CNTN4: variants seen among roughly 807,000 people sequenced by gnomAD.
CNTN4 encodes the protein contactin-4.
A neutral mutation model predicts 122.5 loss-of-function variants in CNTN4; 77 were observed. The observed-to-expected ratio is 0.63, with a 90% CI of 0.52 to 0.76. The LOEUF is 0.76. CNTN4 is among the 30% of genes least tolerant of loss of function. The pLI, the probability that CNTN4 is intolerant of heterozygous loss-of-function variation, is 0.00. For missense variants in CNTN4, 1,256 were observed against 1,259.1 expected (o/e 1.00, Z 0.04); for synonymous variants, 512 against 447.0 (o/e 1.15, Z -1.83).
chr3:2,458,090 T>C (rs2049067348), intron 3 of CNTN4, among the ~76,000 whole-genome samples: 1 of 152,130 alleles, frequency 6.6e-6, no homozygotes, highest in Non-Finnish European at 1.5e-5. Flanking sequence ...CTCTACAGCA[T>C]TGCAAACTAT....
intron 2 of CNTN4, among the ~76,000 whole-genome samples, chr3:2,318,204 C>T (rs140519278): frequency 3.1e-5 from 4 of 129,870 alleles, no homozygotes; most frequent in East Asian, 2.2e-4. Flanking sequence ...GGCAGGGTAA[C>T]GAGAACTTGT....
chr3:2,587,667 A>G (rs1354036423), intron 4 of CNTN4, among the ~76,000 whole-genome samples: 1 of 152,232 alleles, frequency 6.6e-6, no homozygotes, highest in African/African-American at 2.4e-5. Context: ...ATTCAGTTGA[A>G]TTTAAGAAGA....
chr3:2,508,577 C>T (rs544273658), intron 3 of CNTN4, among the ~76,000 whole-genome samples: 1 of 152,170 alleles, frequency 6.6e-6, no homozygotes, highest in Non-Finnish European at 1.5e-5. Flanking sequence ...TCAGGAGCCC[C>T]ATCCCCCAGG....
At chr3:2,906,861 A>T (rs1693909663) in intron 12 of CNTN4, among the ~76,000 whole-genome samples, 1 of 150,714 alleles carries the variant, frequency 6.6e-6, no homozygotes, top group Non-Finnish European at 1.5e-5. Flanking sequence ...AAAAAAAAAG[A>T]AAAAGAGAAA....
At chr3:2,182,442 A>G (rs2037058103) in intron 2 of CNTN4, among the ~76,000 whole-genome samples, 1 of 150,246 alleles carries the variant, frequency 6.7e-6, no homozygotes, top group South Asian at 2.1e-4. Flanking sequence ...TTATTTCTTC[A>G]CTACTAAATA....
intron 3 of CNTN4, among the ~76,000 whole-genome samples, chr3:2,525,845 A>G (rs960469220): frequency 6.6e-6 from 1 of 152,138 alleles, no homozygotes; most frequent in African/African-American, 2.4e-5. Flanking sequence ...GTATGATGAA[A>G]CATTTTATAT....
intron 6 of CNTN4, among the ~76,000 whole-genome samples, chr3:2,783,997 T>G (rs1403908953): frequency 3.9e-5 from 6 of 152,232 alleles, no homozygotes. Flanking sequence ...TTTCTGGTCT[T>G]CTGGGTGTAT....
intron 2 of CNTN4, among the ~76,000 whole-genome samples, chr3:2,131,881 G>A (rs1292741944): frequency 6.6e-6 from 1 of 152,102 alleles, no homozygotes; most frequent in Non-Finnish European, 1.5e-5. Flanking sequence ...TGTAATCTGA[G>A]AGCAACAGTA....
chr3:3,037,512 A>G, intron 18 of CNTN4, 184 bp downstream of exon 18: 1 of 780,676 alleles, frequency 1.3e-6, no homozygotes, highest in Non-Finnish European at 2.1e-6. Context: ...ACGGGTTTCA[A>G]TCAAGAGTTG....
At chr3:3,042,498 T>C in intron 21 of CNTN4, 76 bp downstream of exon 21, 2 of 951,216 alleles carry the variant, frequency 2.1e-6, no homozygotes. Flanking sequence ...CACATTCTTA[T>C]AGGAAGAGAC....
At chr3:2,211,118 A>G (rs1316478073) in intron 2 of CNTN4, among the ~76,000 whole-genome samples, 1 of 152,174 alleles carries the variant, frequency 6.6e-6, no homozygotes, top group African/African-American at 2.4e-5. Flanking sequence ...GAGAGGCCTC[A>G]GGAAGCTTTT....
At chr3:2,227,890 C>A (rs2149526736) in intron 2 of CNTN4, among the ~76,000 whole-genome samples, 2 of 152,146 alleles carry the variant, frequency 1.3e-5, no homozygotes, top group South Asian at 4.1e-4. Context: ...GGAAAATAAG[C>A]AATATGTTTA....
chr3:2,608,746 A>G (rs1020333104), intron 4 of CNTN4, among the ~76,000 whole-genome samples: 1 of 152,220 alleles, frequency 6.6e-6, no homozygotes, highest in African/African-American at 2.4e-5. Flanking sequence ...CTGGCCTCCC[A>G]GAGTCCTGGA....
intron 10 of CNTN4, 119 bp from the exon 11 acceptor site, chr3:2,900,566 A>C: frequency 8.7e-7 from 1 of 1,144,120 alleles, no homozygotes; most frequent in East Asian, 2.4e-5. Context: ...TGTTATTTGC[A>C]TAACATCTGG....
rs768867922 is a variant in CNTN4, at chr3:2,924,238, C to T, written c.1208-1391C>T. Among the ~76,000 whole-genome samples the T allele has an allele frequency of 6.6e-5, 10 of 152,298 alleles. No homozygotes were observed. In the East Asian group the frequency reaches 1.9e-3, roughly 29 times the overall value. On this transcript the variant is annotated intron_variant, in intron 12 of 24. Coordinates refer to ENST00000418658, the MANE Select transcript of CNTN4 (RefSeq NM_175607.3). Reference sequence around the variant, plus strand: ...GTAATCAAGATTTGACTTGCTTCCACTGAAGCTTACTTTCATTTTTAAACA... The same window carrying T: ...GTAATCAAGATTTGACTTGCTTCCATTGAAGCTTACTTTCATTTTTAAACA...
At chr3:2,876,748 G>C (rs1433075990) in intron 8 of CNTN4, among the ~76,000 whole-genome samples, 2 of 152,140 alleles carry the variant, frequency 1.3e-5, no homozygotes, top group East Asian at 3.8e-4. Context: ...TAATTGTCCA[G>C]GTTTTGAAGG....
intron 2 of CNTN4, among the ~76,000 whole-genome samples, chr3:2,280,904 C>A (rs745721140): frequency 2.0e-5 from 3 of 152,210 alleles, no homozygotes; most frequent in Non-Finnish European, 4.4e-5. Context: ...CTGGCATCAA[C>A]CTCCAACAGA....
chr3:3,052,880 T>C (rs1701403375), intron 23 of CNTN4, among the ~76,000 whole-genome samples: 1 of 152,230 alleles, frequency 6.6e-6, no homozygotes, highest in Non-Finnish European at 1.5e-5. Context: ...TGAAATGTCC[T>C]GTCTCTAAGA....
chr3:2,609,732 A>G (rs2081402820), intron 4 of CNTN4, among the ~76,000 whole-genome samples: 3 of 152,228 alleles, frequency 2.0e-5, no homozygotes, highest in Admixed American at 1.3e-4. Flanking sequence ...TTTCTAGGGT[A>G]GTTTGGGTAG....
Sources: gnomAD v4.1 joint callset for allele counts (sites outside exome capture counted in the v4.1 genomes callset) on GRCh38, gnomAD v4.1.1 for gene constraint, MANE v1.5 for transcripts, NCBI Gene and HGNC (gene_info 2026-07-23, HGNC 2026-07-21) for gene names.